Variants in TSC22D3 observed in about 807,000 individuals in gnomAD.
The protein encoded by TSC22D3 is TSC22 domain family protein 3.
TSC22D3 carries 4 observed loss-of-function variants against 11.1 expected under a neutral mutation model. That is an observed-to-expected ratio of 0.36 (90% confidence interval 0.18 to 0.83). TSC22D3 has a LOEUF of 0.83. Ranked by LOEUF, TSC22D3 falls within the 40% of genes least tolerant of loss-of-function variation. The pLI, the probability that TSC22D3 is intolerant of heterozygous loss-of-function variation, is 0.48. For missense variants in TSC22D3, 118 were observed against 159.4 expected (o/e 0.74, Z 1.40); for synonymous variants, 77 against 70.3 (o/e 1.10, Z -0.48).
intron 1 of TSC22D3, among the ~76,000 whole-genome samples, chrX:107,771,234 T>A (rs1355848622): frequency 8.9e-6 from 1 of 112,465 alleles, no homozygotes; most frequent in Non-Finnish European, 1.9e-5. Context: ...TTGGGCAAGA[T>A]ACTTAATTTT....
intron 1 of TSC22D3, among the ~76,000 whole-genome samples, chrX:107,742,826 G>T (rs1928479984): frequency 8.9e-6 from 1 of 111,909 alleles, no homozygotes; most frequent in South Asian, 3.7e-4. Flanking sequence ...ATTCCTGAGG[G>T]GAACCTGATC....
intron 1 of TSC22D3, among the ~76,000 whole-genome samples, chrX:107,744,822 T>C (rs896552646): frequency 8.9e-6 from 1 of 112,063 alleles, no homozygotes; most frequent in Non-Finnish European, 1.9e-5. Context: ...TTTCCATGTA[T>C]ATCCCATCTC....
Position 107,734,878 on chromosome X carries a change from TAAAA to T in TSC22D3, c.321-18932_321-18929del, listed in dbSNP as rs781386272. Among the ~76,000 whole-genome samples the T allele has an allele frequency of 9.9e-4, 37 of 37,280 alleles. 1 individual carries two copies. The highest frequency in any genetic ancestry group is 4.8e-3 in the African/African-American group (34 of 7,128). 32.4% of individuals were successfully genotyped at this position (37,280 alleles called of 115,157 possible). A position where few individuals can be genotyped will look rare whatever the true frequency, so the allele number is the denominator to read the frequency against. ...TTTATCTATTGTTCACAACTCTACG[TAAAA>T]AAAAAAAAAAAAAAAAAAAAAAAAA... On this transcript the variant is annotated intron_variant, in intron 1 of 2. Coordinates refer to ENST00000372383, the MANE Select transcript of TSC22D3 (RefSeq NM_198057.3).
chrX:107,767,389 C>T (rs887939698), intron 1 of TSC22D3, among the ~76,000 whole-genome samples: 3 of 110,987 alleles, frequency 2.7e-5, no homozygotes, highest in African/African-American at 9.8e-5. Context: ...TTCCCTCGGG[C>T]TAGTGTCTGC....
At chrX:107,763,214 C>A (rs1929519853) in intron 1 of TSC22D3, among the ~76,000 whole-genome samples, 1 of 111,449 alleles carries the variant, frequency 9.0e-6, no homozygotes. Flanking sequence ...CCTTCCACCC[C>A]ACCCTTAAAC....
At chrX:107,721,782 G>A (rs1804790667) in intron 1 of TSC22D3, 1 of 430,777 alleles carries the variant, frequency 2.3e-6, no homozygotes, top group Non-Finnish European at 4.2e-6. Context: ...TGGGATGGTT[G>A]AAAAACATCC....
chrX:107,768,270 G>A (rs1442587273), intron 1 of TSC22D3, among the ~76,000 whole-genome samples: 1 of 112,099 alleles, frequency 8.9e-6, no homozygotes, highest in Non-Finnish European at 1.9e-5. Context: ...GGGATGCCTA[G>A]AGGTCTTGGC....
chrX:107,762,796 T>C (rs968679789), intron 1 of TSC22D3, among the ~76,000 whole-genome samples: 4 of 106,050 alleles, frequency 3.8e-5, no homozygotes, highest in African/African-American at 1.4e-4. Context: ...CATCTCTGAG[T>C]TGTGACTTTT....
intron 1 of TSC22D3, among the ~76,000 whole-genome samples, chrX:107,765,833 A>G (rs1467347768): frequency 8.9e-6 from 1 of 112,283 alleles, no homozygotes; most frequent in Non-Finnish European, 1.9e-5. Flanking sequence ...CAGGTCCCCT[A>G]ATTTTCACTG....
intron 1 of TSC22D3, among the ~76,000 whole-genome samples, chrX:107,735,505 T>C (rs143457236): frequency 0.016 from 1,825 of 111,360 alleles, 35 homozygotes; most frequent in African/African-American, 0.056. Context: ...CCCCACCTTC[T>C]ACTTGGAGAT....
intron 1 of TSC22D3, among the ~76,000 whole-genome samples, chrX:107,732,673 T>C (rs1424675213): frequency 9.0e-6 from 1 of 111,422 alleles, no homozygotes; most frequent in African/African-American, 3.3e-5. Context: ...TGGGGCAGAA[T>C]TCCTTCCCAG....
intron 1 of TSC22D3, among the ~76,000 whole-genome samples, chrX:107,750,238 G>GTT (rs540325217): frequency 1.0e-4 from 10 of 100,110 alleles, no homozygotes; most frequent in Non-Finnish European, 8.2e-5. Context: ...TTCTCGCTTA[G>GTT]TTTTTTTTTT....
At chrX:107,716,490 G>T in intron 1 of TSC22D3, 2 of 1,008,009 alleles carry the variant, frequency 2.0e-6, no homozygotes, top group Non-Finnish European at 2.5e-6. Flanking sequence ...CGCAGCGGCC[G>T]CAGGGACGCT....
intron 1 of TSC22D3, among the ~76,000 whole-genome samples, chrX:107,749,178 TACACACACACACACAC>T (rs61681572): frequency 2.3e-4 from 20 of 87,345 alleles, no homozygotes; most frequent in Admixed American, 7.9e-4. Flanking sequence ...CTACTAAAAA[TACACACACACACACAC>T]ACACACACAC....
intron 1 of TSC22D3, among the ~76,000 whole-genome samples, chrX:107,767,765 T>C (rs1249823647): frequency 8.9e-6 from 1 of 112,408 alleles, no homozygotes; most frequent in Non-Finnish European, 1.9e-5. Flanking sequence ...CATGGGGTTC[T>C]GTGGAGGGCC....
Position 107,714,659 on chromosome X carries a change from G to C in TSC22D3, c.463C>G (p.Gln155Glu). ...AACAGGGTGTTCTCACGCTCTAGCT[G>C]GGAGTTCTTCTCCACCAGCTCTCGG... ...QIRELVEKNS[Q>E]LERENTLLKT... Residue 155 changes from glutamine to glutamate, a missense_variant, in exon 3 of 3, where the codon CAG (glutamine) becomes GAG (glutamate). Coordinates refer to ENST00000372383, the MANE Select transcript of TSC22D3 (RefSeq NM_198057.3). 2 of 1,211,711 alleles carry C rather than the reference G, an allele frequency of 1.7e-6. No homozygotes were observed. The highest frequency in any genetic ancestry group is 2.2e-6 in the Non-Finnish European group (2 of 895,444).
intron 1 of TSC22D3, among the ~76,000 whole-genome samples, chrX:107,772,649 C>A (rs769774152): frequency 2.7e-5 from 3 of 109,794 alleles, no homozygotes; most frequent in Non-Finnish European, 5.7e-5. Flanking sequence ...GAGTTTGAGA[C>A]CAGCCTGCAC....
At chrX:107,745,500 G>A (rs887688144) in intron 1 of TSC22D3, among the ~76,000 whole-genome samples, 1 of 112,326 alleles carries the variant, frequency 8.9e-6, no homozygotes, top group African/African-American at 3.2e-5. Flanking sequence ...CACATTTATG[G>A]ATGGGAGCTG....
At chrX:107,716,764 C>A in intron 1 of TSC22D3, 1 of 1,210,071 alleles carries the variant, frequency 8.3e-7, no homozygotes. Context: ...AATTGTGCAG[C>A]TGGTAGACCG....
Sources: gnomAD v4.1 joint callset for allele counts (sites outside exome capture counted in the v4.1 genomes callset) on GRCh38, gnomAD v4.1.1 for gene constraint, MANE v1.5 for transcripts, NCBI Gene and HGNC (gene_info 2026-07-23, HGNC 2026-07-21) for gene names.